Variants in ANKRD18A observed in about 807,000 individuals in gnomAD.
ANKRD18A encodes the protein ankyrin repeat domain 18A, also known as ankyrin repeat domain-containing protein 18A.
In ANKRD18A, 72 loss-of-function variants were observed where a neutral mutation model predicts 110.6. The observed-to-expected ratio is 0.65, with a 90% CI of 0.54 to 0.79. The LOEUF (loss-of-function observed/expected upper bound fraction) is 0.79. ANKRD18A is among the 30% of genes least tolerant of loss of function. The pLI is 0.00. For missense variants in ANKRD18A, 934 were observed against 1,163.3 expected (o/e 0.80, Z 2.87); for synonymous variants, 305 against 410.3 (o/e 0.74, Z 3.10).
intron 7 of ANKRD18A, among the ~76,000 whole-genome samples, 162 bp downstream of exon 7, chr9:38,602,997 G>A (rs990372578): frequency 6.6e-6 from 1 of 152,176 alleles, no homozygotes; most frequent in Non-Finnish European, 1.5e-5. Flanking sequence ...ATAAACTGGA[G>A]CTCCATCATT....
chr9:38,569,146 C>T (rs1246292142), downstream of ANKRD18A: 7 of 985,260 alleles, frequency 7.1e-6, no homozygotes, highest in Admixed American at 1.8e-4. Flanking sequence ...TCTGGACCTG[C>T]ATCTTGGTTA....
Position 38,603,221 on chromosome 9 carries a change from C to T in ANKRD18A, c.809-9G>A. 6.4e-7 allele frequency: 1 copy of T among 1,550,956 alleles called. No homozygotes were observed. The highest frequency in any genetic ancestry group is 8.7e-7 in the Non-Finnish European group (1 of 1,146,542). On this transcript the variant is annotated splice_polypyrimidine_tract_variant and intron_variant, in intron 6 of 15. Transcript: ENST00000399703. Reference sequence around the variant, plus strand: ...CTTCATAGCTGCTGTTTCTGTCAAACATGCAAACTTGTTAGATATTCCTTC... The same window carrying T: ...CTTCATAGCTGCTGTTTCTGTCAAATATGCAAACTTGTTAGATATTCCTTC...
At chr9:38,589,875 A>C (rs974030976) in intron 10 of ANKRD18A, among the ~76,000 whole-genome samples, 1 of 152,128 alleles carries the variant, frequency 6.6e-6, no homozygotes, top group Non-Finnish European at 1.5e-5. Context: ...TAATATCTCA[A>C]AACATTAACC....
At chr9:38,611,972 A>G (rs1468731851) in intron 3 of ANKRD18A, among the ~76,000 whole-genome samples, 1 of 152,228 alleles carries the variant, frequency 6.6e-6, no homozygotes, top group Non-Finnish European at 1.5e-5. Context: ...TACAGTTGCC[A>G]GAGCTTCCCA....
chr9:38,569,897 C>T (rs751814375), downstream of ANKRD18A, among the ~76,000 whole-genome samples: 5 of 152,146 alleles, frequency 3.3e-5, no homozygotes, highest in Non-Finnish European at 7.4e-5. Context: ...TAGGTGGAAC[C>T]CAGGTACTGT....
intron 6 of ANKRD18A, among the ~76,000 whole-genome samples, chr9:38,603,792 A>T (rs1367471422): frequency 6.6e-6 from 1 of 152,178 alleles, no homozygotes; most frequent in African/African-American, 2.4e-5. Context: ...TTTTCCAATG[A>T]ATTTCTAGAG....
chr9:38,598,202 G>GA lies in ANKRD18A; in HGVS notation c.937-1800dup, dbSNP rs535420373. ...TGTAATTCATCTTTAAATGAATACAGAAAAAAGAATCTAGACATTATTTCT... is the reference window on the plus strand; with the variant it reads ...TGTAATTCATCTTTAAATGAATACAGAAAAAAAGAATCTAGACATTATTTCT... On this transcript the variant is annotated intron_variant, in intron 8 of 15. Transcript: ENST00000399703. Among the ~76,000 whole-genome samples the GA allele has an allele frequency of 1.5e-4, 23 of 152,224 alleles. No homozygotes were observed. The East Asian group carries it at 4.2e-3, about 28-fold the overall frequency.
intron 9 of ANKRD18A, among the ~76,000 whole-genome samples, chr9:38,594,115 A>G (rs976224589): frequency 9.2e-5 from 14 of 152,218 alleles, no homozygotes; most frequent in African/African-American, 3.4e-4. Context: ...GTATTCTCTT[A>G]CATGACAGAT....
At chr9:38,618,508 C>T (rs1396300267) in intron 1 of ANKRD18A, among the ~76,000 whole-genome samples, 1 of 152,110 alleles carries the variant, frequency 6.6e-6, no homozygotes, top group Non-Finnish European at 1.5e-5. Flanking sequence ...GTGCATGTAT[C>T]TCTATTTTCT....
At chr9:38,608,611 A>T (rs1335226544) in intron 5 of ANKRD18A, among the ~76,000 whole-genome samples, 2 of 146,370 alleles carry the variant, frequency 1.4e-5, no homozygotes, top group African/African-American at 5.0e-5. Context: ...AGCTATATAT[A>T]TTTATAATAA....
chr9:38,582,216 C>G (rs1188078431), intron 12 of ANKRD18A, among the ~76,000 whole-genome samples: 1 of 151,972 alleles, frequency 6.6e-6, no homozygotes. Context: ...GCAGATACTG[C>G]GACCAAAATT....
intron 5 of ANKRD18A, among the ~76,000 whole-genome samples, chr9:38,608,186 C>T (rs1825442040): frequency 6.6e-6 from 1 of 151,962 alleles, no homozygotes; most frequent in South Asian, 2.1e-4. Context: ...CTAATTTTCC[C>T]CTATTACTGA....
downstream of ANKRD18A, chr9:38,568,925 T>C (rs1286665136): frequency 6.1e-6 from 6 of 985,454 alleles, no homozygotes; most frequent in Non-Finnish European, 7.2e-6. Context: ...AAGATGCTGC[T>C]GGCTGCCAGG....
chr9:38,578,262 G>A (rs1407001101), intron 12 of ANKRD18A, 114 bp from the exon 13 acceptor site: 25 of 1,016,218 alleles, frequency 2.5e-5, no homozygotes, highest in Admixed American at 6.9e-5. Context: ...TATCTATAAT[G>A]TAGTAGATTC....
intron 14 of ANKRD18A, among the ~76,000 whole-genome samples, chr9:38,576,322 T>G (rs948060754): frequency 3.3e-5 from 5 of 152,268 alleles, no homozygotes; most frequent in East Asian, 3.9e-4. Flanking sequence ...CTAGACTGGT[T>G]GGTTGGTGAT....
At chr9:38,610,896 T>C (rs945947914) in intron 4 of ANKRD18A, among the ~76,000 whole-genome samples, 1 of 134,780 alleles carries the variant, frequency 7.4e-6, no homozygotes, top group Non-Finnish European at 1.6e-5. Context: ...TAGTAGTAGT[T>C]GTAAACTGAA....
At chr9:38,584,019 G>A (rs1429971172) in intron 12 of ANKRD18A, among the ~76,000 whole-genome samples, 10 of 152,196 alleles carry the variant, frequency 6.6e-5, no homozygotes, top group South Asian at 2.1e-4. Flanking sequence ...GAGCCACCAG[G>A]AATTCACGCC....
chr9:38,602,949 G>A (rs1363785484), intron 7 of ANKRD18A, among the ~76,000 whole-genome samples: 1 of 152,114 alleles, frequency 6.6e-6, no homozygotes, highest in East Asian at 1.9e-4. Context: ...TTACAGGCAG[G>A]AGCCACCGTC....
downstream of ANKRD18A, chr9:38,569,409 G>A (rs558421318): frequency 7.9e-5 from 78 of 985,352 alleles, no homozygotes; most frequent in South Asian, 1.9e-4. Context: ...ACCTGAGTCC[G>A]ATCAGTCAGC....
Sources: gnomAD v4.1 joint callset for allele counts (sites outside exome capture counted in the v4.1 genomes callset) on GRCh38, gnomAD v4.1.1 for gene constraint, MANE v1.5 for transcripts, NCBI Gene and HGNC (gene_info 2026-07-23, HGNC 2026-07-21) for gene names.